MROH2B: variants seen among roughly 807,000 people sequenced by gnomAD.
The protein encoded by MROH2B is maestro heat-like repeat-containing protein family member 2B.
A neutral mutation model predicts 208.6 loss-of-function variants in MROH2B; 177 were observed. The observed-to-expected ratio is 0.85, with a 90% confidence interval of 0.75 to 0.96. MROH2B has a LOEUF of 0.96. Ranked by LOEUF, MROH2B falls within the 40% of genes least tolerant of loss-of-function variation. The pLI, the probability that MROH2B is intolerant of heterozygous loss-of-function variation, is 0.00. For missense variants in MROH2B, 2,002 were observed against 1,878.7 expected, an observed-to-expected ratio of 1.07 and a Z score of -1.21; for synonymous variants, 728 against 659.0, an observed-to-expected ratio of 1.10 and a Z score of -1.60.
chr5:41,052,325 A>T (rs1743310096), intron 12 of MROH2B, 140 bp downstream of exon 12: 3 of 760,564 alleles, frequency 3.9e-6, no homozygotes, highest in African/African-American at 1.8e-5. Flanking sequence ...GTTATTTTTA[A>T]TTTTTTTAAA....
At chr5:41,032,856 A>G (rs771539831) in intron 23 of MROH2B, 35 bp from the exon 24 acceptor site, 22 of 1,591,820 alleles carry the variant, frequency 1.4e-5, no homozygotes, top group Non-Finnish European at 1.8e-5. Flanking sequence ...ATGTTTCAGA[A>G]AGGCTCAGGA....
At chr5:41,020,383 T>G (rs1742105124) in intron 24 of MROH2B, among the ~76,000 whole-genome samples, 2 of 152,216 alleles carry the variant, frequency 1.3e-5, no homozygotes, top group South Asian at 4.1e-4. Context: ...TTGATTTATT[T>G]GAGCTTTCTA....
chr5:41,055,202 G>T (rs1429342846), intron 10 of MROH2B, among the ~76,000 whole-genome samples: 1 of 152,074 alleles, frequency 6.6e-6, no homozygotes, highest in East Asian at 1.9e-4. Context: ...ACCATACTAT[G>T]CAAAAATGAA....
intron 6 of MROH2B, among the ~76,000 whole-genome samples, chr5:41,058,474 T>G (rs1232475288): frequency 6.6e-6 from 1 of 152,130 alleles, no homozygotes; most frequent in Non-Finnish European, 1.5e-5. Flanking sequence ...TTGTATTTTT[T>G]TGAAACAGAG....
chr5:41,036,686 G>T (rs990531642), intron 21 of MROH2B, among the ~76,000 whole-genome samples: 3 of 151,910 alleles, frequency 2.0e-5, no homozygotes, highest in Admixed American at 2.0e-4. Flanking sequence ...TATTAGAGGG[G>T]GACAAGGGTA....
chr5:41,044,308 T>C (rs1448206055), intron 18 of MROH2B, among the ~76,000 whole-genome samples: 1 of 151,122 alleles, frequency 6.6e-6, no homozygotes, highest in Non-Finnish European at 1.5e-5. Flanking sequence ...CTTGTGAGCC[T>C]AGTTGAGATT....
chr5:41,032,058 T>G (rs929516596), intron 24 of MROH2B, among the ~76,000 whole-genome samples: 1 of 152,094 alleles, frequency 6.6e-6, no homozygotes, highest in Non-Finnish European at 1.5e-5. Context: ...GTCTTCACAG[T>G]AGAGCTATTT....
intron 24 of MROH2B, among the ~76,000 whole-genome samples, chr5:41,021,725 G>A (rs1479019621): frequency 2.0e-5 from 3 of 151,914 alleles, no homozygotes; most frequent in Non-Finnish European, 4.4e-5. Context: ...AAAAATAGAA[G>A]AATGAGCTGG....
chr5:41,012,768 AACCACCCC>A, intron 29 of MROH2B, 33 bp from the exon 30 acceptor site: 1 of 1,611,468 alleles, frequency 6.2e-7, no homozygotes, highest in Non-Finnish European at 8.5e-7. Flanking sequence ...TCGTGTAATC[AACCACCCC>A]ATTTTATATC....
chr5:41,007,648 A>G (rs1380297881), intron 33 of MROH2B, among the ~76,000 whole-genome samples, 194 bp from the exon 34 acceptor site: 2 of 152,226 alleles, frequency 1.3e-5, no homozygotes, highest in Non-Finnish European at 2.9e-5. Context: ...GATGTGGGCC[A>G]GTAAGTAATG....
At chr5:41,070,642 A>G (rs1743959473) in intron 1 of MROH2B, among the ~76,000 whole-genome samples, 183 bp downstream of exon 1, 1 of 152,072 alleles carries the variant, frequency 6.6e-6, no homozygotes, top group South Asian at 2.1e-4. Flanking sequence ...CTTCCAGTCT[A>G]TTATTGGTCC....
chr5:41,029,247 C>T (rs1742483319), intron 24 of MROH2B, among the ~76,000 whole-genome samples: 1 of 152,112 alleles, frequency 6.6e-6, no homozygotes, highest in African/African-American at 2.4e-5. Flanking sequence ...TTTTCATTTG[C>T]CTTTTAGCCA....
At chr5:41,060,967 C>A (rs1367223752) in intron 6 of MROH2B, among the ~76,000 whole-genome samples, 1 of 152,016 alleles carries the variant, frequency 6.6e-6, no homozygotes, top group Non-Finnish European at 1.5e-5. Context: ...TACCATTTAG[C>A]CTGCTTAAAA....
Position 41,064,506 on chromosome 5 carries a change from G to C in MROH2B, c.426C>G (p.Ala142=). 6.2e-7 allele frequency: 1 copy of C among 1,613,222 alleles called. No homozygotes were observed. The highest frequency in any genetic ancestry group is 2.2e-5 in the East Asian group (1 of 44,882). The change falls in exon 5 of 42, where the codon GCC becomes GCG. Residue 142 remains alanine (A), a synonymous_variant. Transcript: ENST00000399564. ...LLTMQTMLRL[A]EDERMKGTFC... ...AAGTCCCCTTCATCCTTTCATCCTCGGCCAGCCTGAGCATGGTTTGCATGG... is the reference window on the plus strand; with the variant it reads ...AAGTCCCCTTCATCCTTTCATCCTCCGCCAGCCTGAGCATGGTTTGCATGG...
chr5:40,999,953 C>G (rs542532240), intron 39 of MROH2B, 174 bp from the exon 40 acceptor site: 127 of 682,766 alleles, frequency 1.9e-4, no homozygotes, highest in Middle Eastern at 4.2e-4. Context: ...AATCAGGAAG[C>G]CATCAGAGTT....
intron 24 of MROH2B, among the ~76,000 whole-genome samples, chr5:41,028,034 G>A (rs997118002): frequency 6.6e-6 from 1 of 151,612 alleles, no homozygotes; most frequent in Non-Finnish European, 1.5e-5. Context: ...ACCAGGGCCC[G>A]TCGTGGGGTG....
At chr5:41,061,225 T>C (rs1406085595) in intron 6 of MROH2B, among the ~76,000 whole-genome samples, 1 of 152,196 alleles carries the variant, frequency 6.6e-6, no homozygotes, top group Non-Finnish European at 1.5e-5. Context: ...ATGTGAAATA[T>C]CTAACTTTCT....
At chr5:41,069,178 T>G (rs1462687898) in intron 2 of MROH2B, among the ~76,000 whole-genome samples, 1 of 152,222 alleles carries the variant, frequency 6.6e-6, no homozygotes, top group Non-Finnish European at 1.5e-5. Flanking sequence ...GGAGTGAATA[T>G]TATACAATAC....
At chr5:41,013,441 G>A (rs897428819) in intron 29 of MROH2B, among the ~76,000 whole-genome samples, 1 of 152,198 alleles carries the variant, frequency 6.6e-6, no homozygotes, top group African/African-American at 2.4e-5. Context: ...GTGTTTGAAT[G>A]AGTTCCAGGA....
Sources: gnomAD v4.1 joint callset for allele counts (sites outside exome capture counted in the v4.1 genomes callset) on GRCh38, gnomAD v4.1.1 for gene constraint, MANE v1.5 for transcripts, NCBI Gene and HGNC (gene_info 2026-07-23, HGNC 2026-07-21) for gene names.